TF: variants seen among roughly 807,000 people sequenced by gnomAD.
The protein encoded by TF is transferrin.
In TF, 55 loss-of-function variants were observed where a neutral mutation model predicts 82.4. The ratio of observed to expected loss-of-function variants is 0.67; its 90% CI spans 0.54 to 0.84. The LOEUF (loss-of-function observed/expected upper bound fraction) is 0.84. TF is among the 40% of genes least tolerant of loss of function. The pLI is 0.00. For missense variants in TF, 737 were observed against 868.4 expected, an observed-to-expected ratio of 0.85 and a Z score of 1.90; for synonymous variants, 332 against 332.6, an observed-to-expected ratio of 1.00 and a Z score of 0.02.
At chr3:133,770,665 G>C (rs8177333) in intron 14 of TF, 93 bp downstream of exon 14, 3 of 1,294,136 alleles carry the variant, frequency 2.3e-6, no homozygotes, top group African/African-American at 1.5e-5. Context: ...GAAGTATTAT[G>C]TACACTGTCA....
At chr3:133,741,636 A>G (rs550141247), upstream of TF, among the ~76,000 whole-genome samples, 1 of 152,310 alleles carries the variant, frequency 6.6e-6, no homozygotes, top group African/African-American at 2.4e-5. Context: ...ATGAATGGAT[A>G]TTGAATTTTA....
chr3:133,714,679 T>C, the TF span, among the ~76,000 whole-genome samples: 1 of 150,254 alleles, frequency 6.7e-6, no homozygotes, highest in Non-Finnish European at 1.5e-5. Flanking sequence ...TGAGTTGTTT[T>C]TTTGTTTGTT....
In TF at chr3:133,790,117, TGAGTACAGTGAATGG is replaced by T. The variant is rs1186808639; in HGVS notation, c.*11500_*11514del. 1 of 152,174 alleles carries T rather than the reference TGAGTACAGTGAATGG, an allele frequency of 6.6e-6. No individual in the cohort carries two copies. The highest frequency in any genetic ancestry group is 1.5e-5 in the Non-Finnish European group (1 of 68,030). 9.4% of individuals were successfully genotyped at this position (152,174 alleles called of 1,614,324 possible). On this transcript the variant is annotated 3_prime_UTR_variant, in exon 17 of 17. Transcript: ENST00000402696. ...GATAAACTGTTAAAAGTGAAACAAT[TGAGTACAGTGAATGG>T]GACAAATGTTTTAGATAAGCTTTTT... is the stretch of plus-strand genomic sequence containing the variant.
the TF span, among the ~76,000 whole-genome samples, chr3:133,740,531 A>AT: frequency 6.6e-6 from 1 of 152,188 alleles, no homozygotes; most frequent in South Asian, 2.1e-4. Flanking sequence ...GGGTTTCACC[A>AT]TTTTGGCCAA....
At chr3:133,696,138 AT>A in the TF span, among the ~76,000 whole-genome samples, 1 of 152,098 alleles carries the variant, frequency 6.6e-6, no homozygotes, top group South Asian at 2.1e-4. Flanking sequence ...TAATTGTTCA[AT>A]TTTGGCTGGG....
the TF span, among the ~76,000 whole-genome samples, chr3:133,685,645 G>T: frequency 6.6e-6 from 1 of 152,126 alleles, no homozygotes; most frequent in Non-Finnish European, 1.5e-5. Context: ...CAACTTACAA[G>T]GGATGTGAAG....
the TF span, among the ~76,000 whole-genome samples, chr3:133,721,808 T>C: frequency 6.6e-6 from 1 of 152,204 alleles, no homozygotes; most frequent in Non-Finnish European, 1.5e-5. Context: ...TATCTTCTTG[T>C]TGAATTGATC....
chr3:133,706,976 A>G, the TF span, among the ~76,000 whole-genome samples: 1 of 152,188 alleles, frequency 6.6e-6, no homozygotes, highest in Non-Finnish European at 1.5e-5. Context: ...AGTCCAGCAA[A>G]CAATCTTCTA....
the TF span, among the ~76,000 whole-genome samples, chr3:133,739,303 C>A: frequency 3.3e-5 from 5 of 152,060 alleles, no homozygotes; most frequent in Admixed American, 6.5e-5. Flanking sequence ...ACACCATATA[C>A]AAAAATTAAC....
chr3:133,714,290 G>C, the TF span, among the ~76,000 whole-genome samples: 5 of 152,166 alleles, frequency 3.3e-5, no homozygotes, highest in African/African-American at 1.2e-4. Context: ...GGCAGTGCTG[G>C]ACCTTTGAGG....
chr3:133,790,699 G>C lies in TF; in HGVS notation c.*12079G>C, dbSNP rs953451004. The C allele has an allele frequency of 6.6e-6, 1 of 152,210 alleles. No homozygotes were observed. The highest frequency in any genetic ancestry group is 2.4e-5 in the African/African-American group (1 of 41,442). 9.4% of individuals were successfully genotyped at this position (152,210 alleles called of 1,614,324 possible). On this transcript the variant is annotated 3_prime_UTR_variant, in exon 17 of 17. Coordinates refer to ENST00000402696, the MANE Select transcript of TF (RefSeq NM_001063.4). ...TATAGTTAAGCATGAAGCCGGATTT[G>C]GTGTGGAGCCAAATTTCACATACAT...
rs1934608935 is a variant in TF at position 133,784,539 on chromosome 3, T to G, written c.*5919T>G. On this transcript the variant is annotated 3_prime_UTR_variant, in exon 17 of 17. Transcript: ENST00000402696. ...TAAATGGCTTCTGGAGATGACTTTT[T>G]GCAATGAAGTTGTTAGACCACCTCT... The G allele has an allele frequency of 6.6e-6, 1 of 151,848 alleles. No homozygotes were observed. The allele number at this position is 151,848 out of a possible 1,614,324, so 9.4% of individuals were successfully genotyped here. A position where few individuals can be genotyped will look rare whatever the true frequency, so the allele number is the denominator to read the frequency against.
At chr3:133,696,138 A>G in the TF span, among the ~76,000 whole-genome samples, 1 of 152,098 alleles carries the variant, frequency 6.6e-6, no homozygotes, top group African/African-American at 2.4e-5. Context: ...TAATTGTTCA[A>G]TTTTGGCTGG....
chr3:133,779,864 A>G lies in TF; in HGVS notation c.*1244A>G, dbSNP rs1425078750. 1.3e-5 allele frequency: 2 copies of G among 152,168 alleles called. No homozygotes were observed. Among genetic ancestry groups the G allele is most frequent in the Non-Finnish European group, 2.9e-5 (2 of 68,054 alleles). 9.4% of individuals were successfully genotyped at this position (152,168 alleles called of 1,614,324 possible). ...TTGCTTCCCTAAACCAACTGTTGTT[A>G]TAGTATATTCCATATCAGCTGAAGA... On this transcript the variant is annotated 3_prime_UTR_variant, in exon 17 of 17. Transcript: ENST00000402696.
At chr3:133,664,571 C>T in the TF span, among the ~76,000 whole-genome samples, 1 of 152,196 alleles carries the variant, frequency 6.6e-6, no homozygotes, top group Admixed American at 6.5e-5. Flanking sequence ...CCACCTGACT[C>T]AGCCTCCCAA....
rs1934847399 is a variant in TF, at chr3:133,791,856, AAG to A, written c.*13239_*13240del. 1 of 152,236 alleles carries A rather than the reference AAG, an allele frequency of 6.6e-6. No individual in the cohort carries two copies. The highest frequency in any genetic ancestry group is 2.4e-5 in the African/African-American group (1 of 41,466). The allele number at this position is 152,236 out of a possible 1,614,324, so 9.4% of individuals were successfully genotyped here. ...TATATGTGTTGTGTGTGTACTATAAAAGAGCATTAATTAATTAGCTTAATAAT... is the reference window on the plus strand; with the variant it reads ...TATATGTGTTGTGTGTGTACTATAAAAGCATTAATTAATTAGCTTAATAAT... On this transcript the variant is annotated 3_prime_UTR_variant, in exon 17 of 17. Coordinates refer to ENST00000402696, the MANE Select transcript of TF (RefSeq NM_001063.4).
chr3:133,691,007 T>C, the TF span, among the ~76,000 whole-genome samples: 368 of 152,178 alleles, frequency 2.4e-3, 1 homozygote, highest in African/African-American at 8.4e-3. Context: ...TAGATACAAA[T>C]ATACATACAT....
chr3:133,729,862 T>C, the TF span, among the ~76,000 whole-genome samples: 139 of 152,280 alleles, frequency 9.1e-4, no homozygotes, highest in Admixed American at 1.6e-3. Flanking sequence ...TTCATTCAGA[T>C]CATGGATTGT....
At chr3:133,742,208 G>A (rs1376374684), upstream of TF, among the ~76,000 whole-genome samples, 1 of 151,978 alleles carries the variant, frequency 6.6e-6, no homozygotes, top group Non-Finnish European at 1.5e-5. Context: ...TCTTGAACTC[G>A]TGAGCTCAAG....
Sources: gnomAD v4.1 joint callset for allele counts (sites outside exome capture counted in the v4.1 genomes callset) on GRCh38, gnomAD v4.1.1 for gene constraint, MANE v1.5 for transcripts, NCBI Gene and HGNC (gene_info 2026-07-23, HGNC 2026-07-21) for gene names.